ADAMTS12: variants seen among roughly 807,000 people sequenced by gnomAD.
ADAMTS12 encodes ADAM metallopeptidase with thrombospondin type 1 motif 12.
In ADAMTS12, 118 loss-of-function variants were observed where a neutral mutation model predicts 167.8. The observed-to-expected ratio is 0.70, with a 90% CI of 0.61 to 0.82. The LOEUF (loss-of-function observed/expected upper bound fraction) is 0.82, where lower values mean the gene tolerates loss of function less well. Ranked by LOEUF, ADAMTS12 falls within the 40% of genes least tolerant of loss-of-function variation. ADAMTS12 has a pLI of 0.00. For synonymous variants in ADAMTS12, 704 were observed against 716.9 expected (o/e 0.98, Z 0.29); for missense variants, 1,916 against 1,998.8 (o/e 0.96, Z 0.79).
At chr5:33,860,270 A>C (rs572546169) in intron 2 of ADAMTS12, among the ~76,000 whole-genome samples, 203 of 152,338 alleles carry the variant, frequency 1.3e-3, no homozygotes, top group African/African-American at 4.6e-3. Context: ...CCTTAAAAAA[A>C]GGTTAGAGGA....
intron 5 of ADAMTS12, among the ~76,000 whole-genome samples, chr5:33,679,827 C>G (rs1157385925): frequency 6.6e-6 from 1 of 152,178 alleles, no homozygotes; most frequent in Admixed American, 6.5e-5. Context: ...CTTCTCATTA[C>G]AAATTAAGAA....
chr5:33,869,770 T>A (rs1022147863), intron 2 of ADAMTS12, among the ~76,000 whole-genome samples: 2 of 152,146 alleles, frequency 1.3e-5, no homozygotes, highest in Non-Finnish European at 2.9e-5. Flanking sequence ...TGGGCACACA[T>A]TGTCACTGAT....
chr5:33,800,578 G>C (rs985487765), intron 2 of ADAMTS12, among the ~76,000 whole-genome samples: 8 of 152,124 alleles, frequency 5.3e-5, no homozygotes, highest in Non-Finnish European at 1.0e-4. Context: ...CAACCTGAGT[G>C]GTTTGGCATT....
chr5:33,879,098 ATGGCTGC>A (rs1453826578), intron 2 of ADAMTS12, among the ~76,000 whole-genome samples: 1 of 152,180 alleles, frequency 6.6e-6, no homozygotes, highest in Non-Finnish European at 1.5e-5. Flanking sequence ...ATTCATGGTG[ATGGCTGC>A]ACAACTCTGA....
At chr5:33,879,575 G>T (rs1750354573) in intron 2 of ADAMTS12, among the ~76,000 whole-genome samples, 1 of 152,130 alleles carries the variant, frequency 6.6e-6, no homozygotes, top group African/African-American at 2.4e-5. Flanking sequence ...GGCCCAGAGA[G>T]AAGAGGAAAA....
chr5:33,709,680 G>C (rs763686756), intron 3 of ADAMTS12, among the ~76,000 whole-genome samples: 2 of 151,650 alleles, frequency 1.3e-5, no homozygotes, highest in Non-Finnish European at 2.9e-5. Context: ...CCAGGGAGGG[G>C]AACAACACAC....
chr5:33,685,735 A>G (rs1232297641), intron 3 of ADAMTS12, among the ~76,000 whole-genome samples: 1 of 152,102 alleles, frequency 6.6e-6, no homozygotes, highest in Admixed American at 6.6e-5. Flanking sequence ...GAGATGGTTA[A>G]CCCCTCATTT....
At chr5:33,611,451 T>C (rs1042815460) in intron 16 of ADAMTS12, among the ~76,000 whole-genome samples, 1 of 152,132 alleles carries the variant, frequency 6.6e-6, no homozygotes, top group African/African-American at 2.4e-5. Flanking sequence ...GCTAATATGT[T>C]TGAAATGTTT....
At chr5:33,662,096 A>T in intron 5 of ADAMTS12, 56 bp from the exon 6 acceptor site, 1 of 1,588,522 alleles carries the variant, frequency 6.3e-7, no homozygotes, top group Non-Finnish European at 8.5e-7. Flanking sequence ...GTCAGGGACC[A>T]TTGCATTAGG....
At chr5:33,670,298 TACTAC>T (rs1191172501) in intron 5 of ADAMTS12, among the ~76,000 whole-genome samples, 2 of 152,310 alleles carry the variant, frequency 1.3e-5, no homozygotes, top group African/African-American at 4.8e-5. Context: ...AATGATATAT[TACTAC>T]ACATTTACCA....
At chr5:33,873,148 G>A (rs1750101322) in intron 2 of ADAMTS12, among the ~76,000 whole-genome samples, 2 of 147,680 alleles carry the variant, frequency 1.4e-5, no homozygotes, top group African/African-American at 2.5e-5. Context: ...CACAGATGAC[G>A]TGAATGCTAT....
intron 2 of ADAMTS12, among the ~76,000 whole-genome samples, chr5:33,763,012 G>A (rs2112412599): frequency 6.6e-6 from 1 of 152,294 alleles, no homozygotes; most frequent in South Asian, 2.1e-4. Context: ...CTGATATTGT[G>A]AAAAGCAAGT....
intron 3 of ADAMTS12, among the ~76,000 whole-genome samples, chr5:33,720,284 TCA>T (rs3071626): frequency 1.9e-3 from 286 of 147,888 alleles, no homozygotes; most frequent in African/African-American, 3.6e-3. Context: ...TCTCTCTCAC[TCA>T]CACACACACA....
chr5:33,683,225 G>A (rs964945981), intron 4 of ADAMTS12, 124 bp from the exon 5 acceptor site: 14 of 700,432 alleles, frequency 2.0e-5, no homozygotes, highest in African/African-American at 3.6e-5. Flanking sequence ...AATGTTTGGC[G>A]GTGTGCTAAG....
At chr5:33,869,261 C>T (rs1749947138) in intron 2 of ADAMTS12, among the ~76,000 whole-genome samples, 1 of 152,172 alleles carries the variant, frequency 6.6e-6, no homozygotes, top group Admixed American at 6.5e-5. Context: ...CCAGAGGATG[C>T]AAGCTGTAAG....
chr5:33,549,091 A>G (rs1351686819), intron 21 of ADAMTS12, 116 bp downstream of exon 21: 31 of 1,311,996 alleles, frequency 2.4e-5, no homozygotes, highest in Non-Finnish European at 3.2e-5. Context: ...AACAGAGGCC[A>G]GTCATTGGCA....
intron 2 of ADAMTS12, among the ~76,000 whole-genome samples, chr5:33,763,638 C>T (rs140802344): frequency 8.5e-5 from 13 of 152,322 alleles, no homozygotes; most frequent in African/African-American, 3.1e-4. Context: ...GGCCAAAGGT[C>T]CATGACATTA....
intron 6 of ADAMTS12, among the ~76,000 whole-genome samples, chr5:33,661,280 A>G (rs1741249631): frequency 6.6e-6 from 1 of 152,214 alleles, no homozygotes; most frequent in Admixed American, 6.5e-5. Flanking sequence ...GCCTTCAAAG[A>G]GCAAGAGTTG....
At chr5:33,783,135 A>G (rs1336412207) in intron 2 of ADAMTS12, among the ~76,000 whole-genome samples, 1 of 152,048 alleles carries the variant, frequency 6.6e-6, no homozygotes, top group Non-Finnish European at 1.5e-5. Context: ...GAGAAATTAA[A>G]CAATAAACTT....
Sources: allele counts gnomAD v4.1 joint callset (sites outside exome capture counted in the v4.1 genomes callset), GRCh38; gene constraint gnomAD v4.1.1; transcripts MANE v1.5; gene names NCBI Gene and HGNC (gene_info 2026-07-23, HGNC 2026-07-21).